CDH13: variants seen among roughly 807,000 people sequenced by gnomAD.
The protein encoded by CDH13 is cadherin 13.
Under a neutral mutation model 63.8 loss-of-function variants are expected in CDH13, and 24 were observed. The observed-to-expected ratio is 0.38, with a 90% confidence interval of 0.27 to 0.53. The LOEUF is 0.53. Ranked by LOEUF, CDH13 falls within the 20% of genes least tolerant of loss-of-function variation. The pLI is 0.85. For synonymous variants in CDH13, 503 were observed against 355.3 expected, an observed-to-expected ratio of 1.42 and a Z score of -4.67; for missense variants, 1,049 against 903.1, an observed-to-expected ratio of 1.16 and a Z score of -2.07.
chr16:83,137,944 G>T (rs955924446), intron 4 of CDH13, among the ~76,000 whole-genome samples: 26 of 151,856 alleles, frequency 1.7e-4, no homozygotes, highest in Non-Finnish European at 3.2e-4. Flanking sequence ...AGCTAGCTCT[G>T]GTTCCCAAAT....
intron 8 of CDH13, among the ~76,000 whole-genome samples, chr16:83,653,187 C>T (rs4782832): frequency 0.99 from 151,066 of 152,230 alleles, 74,971 homozygotes; most frequent in Non-Finnish European, 1. Flanking sequence ...GGGGGTGGGG[C>T]TTCTGTTCGA....
At chr16:83,502,003 C>T (rs1183398079) in intron 7 of CDH13, among the ~76,000 whole-genome samples, 1 of 152,132 alleles carries the variant, frequency 6.6e-6, no homozygotes, top group Non-Finnish European at 1.5e-5. Context: ...CATCTTATTA[C>T]TTGTGTGGCC....
At chr16:83,092,793 T>G (rs1597321213) in intron 3 of CDH13, among the ~76,000 whole-genome samples, 2 of 152,238 alleles carry the variant, frequency 1.3e-5, no homozygotes, top group South Asian at 4.1e-4. Flanking sequence ...TCACCAAATC[T>G]AGAATCTCCC....
chr16:83,556,721 T>C (rs964730670), intron 7 of CDH13, among the ~76,000 whole-genome samples: 1 of 152,148 alleles, frequency 6.6e-6, no homozygotes, highest in Non-Finnish European at 1.5e-5. Context: ...TTAGAATCAA[T>C]ATTGGCCTGG....
At chr16:82,803,260 C>T (rs1399584894) in intron 1 of CDH13, among the ~76,000 whole-genome samples, 1 of 152,162 alleles carries the variant, frequency 6.6e-6, no homozygotes, top group South Asian at 2.1e-4. Context: ...AGGTAAAAGA[C>T]ATAAGATGAT....
intron 10 of CDH13, among the ~76,000 whole-genome samples, chr16:83,681,795 G>A (rs927053726): frequency 2.6e-5 from 4 of 152,294 alleles, no homozygotes; most frequent in Middle Eastern, 3.4e-3. Context: ...CTGCAGAGAG[G>A]GGCCAGGATG....
intron 4 of CDH13, among the ~76,000 whole-genome samples, chr16:83,179,392 C>G (rs2038254396): frequency 6.6e-6 from 1 of 150,544 alleles, no homozygotes; most frequent in African/African-American, 2.5e-5. Flanking sequence ...GCCTGGAATC[C>G]CAGCACTTTG....
intron 11 of CDH13, among the ~76,000 whole-genome samples, chr16:83,779,405 TCAAAAAAAAAAAAAAAAAAAAA>T (rs1181349965): frequency 1.5e-5 from 1 of 67,786 alleles, no homozygotes; most frequent in African/African-American, 6.3e-5. Flanking sequence ...AGACTCCATC[TCAAAAAAAAAAAAAAAAAAAAA>T]AAAAAAAAAA....
chr16:82,660,140 G>C (rs958032347), intron 1 of CDH13, among the ~76,000 whole-genome samples: 1 of 152,180 alleles, frequency 6.6e-6, no homozygotes, highest in Non-Finnish European at 1.5e-5. Context: ...TTGGGTTTCA[G>C]AGGAAGCTGC....
At chr16:82,884,878 T>C (rs770950680) in intron 2 of CDH13, among the ~76,000 whole-genome samples, 29 of 152,212 alleles carry the variant, frequency 1.9e-4, no homozygotes, top group Non-Finnish European at 3.7e-4. Flanking sequence ...GTGGGGAAAA[T>C]CTAAAGTTGC....
intron 8 of CDH13, among the ~76,000 whole-genome samples, chr16:83,645,923 A>C (rs1911747723): frequency 6.6e-6 from 1 of 152,204 alleles, no homozygotes; most frequent in Non-Finnish European, 1.5e-5. Flanking sequence ...TTCTGCCATT[A>C]CTTAGAAAAC....
At chr16:82,682,469 G>T (rs890653726) in intron 1 of CDH13, among the ~76,000 whole-genome samples, 12 of 152,192 alleles carry the variant, frequency 7.9e-5, no homozygotes, top group East Asian at 3.9e-4. Context: ...GGTCCCTCAA[G>T]TTCTGCAGGG....
At chr16:83,109,379 G>A (rs1201893868) in intron 3 of CDH13, among the ~76,000 whole-genome samples, 9 of 152,204 alleles carry the variant, frequency 5.9e-5, no homozygotes, top group Non-Finnish European at 1.5e-5. Context: ...AAACCCCATG[G>A]CTTTGGAAGG....
intron 3 of CDH13, among the ~76,000 whole-genome samples, chr16:83,087,963 G>A (rs2033695417): frequency 2.0e-5 from 3 of 152,176 alleles, no homozygotes; most frequent in Admixed American, 1.3e-4. Flanking sequence ...TAGGCCTCAT[G>A]CTTGGGACTG....
intron 1 of CDH13, among the ~76,000 whole-genome samples, chr16:82,681,579 A>T (rs538751697): frequency 6.6e-6 from 1 of 152,382 alleles, no homozygotes; most frequent in South Asian, 2.1e-4. Context: ...TTTCTGAGCT[A>T]GTCACCAAAA....
chr16:83,289,102 A>T (rs185506015), intron 5 of CDH13, among the ~76,000 whole-genome samples: 6 of 152,338 alleles, frequency 3.9e-5, no homozygotes, highest in East Asian at 3.9e-4. Flanking sequence ...ATCATGGGCT[A>T]TTGCTTGCTC....
intron 4 of CDH13, among the ~76,000 whole-genome samples, chr16:83,157,938 CAGAA>C (rs1489152616): frequency 1.3e-5 from 2 of 151,516 alleles, no homozygotes; most frequent in Middle Eastern, 6.4e-3. Context: ...AAAAAGAAAA[CAGAA>C]AGAAATGTGT....
chr16:82,938,538 G>T (rs1306069262), intron 2 of CDH13, among the ~76,000 whole-genome samples: 1 of 152,178 alleles, frequency 6.6e-6, no homozygotes, highest in Non-Finnish European at 1.5e-5. Context: ...CCCAGCATCA[G>T]CAGGGGCCTT....
intron 1 of CDH13, among the ~76,000 whole-genome samples, chr16:82,686,639 AATGATTATTGTT>A: frequency 6.8e-6 from 1 of 147,040 alleles, no homozygotes; most frequent in East Asian, 1.9e-4. Flanking sequence ...TCCTTTCCTC[AATGATTATTGTT>A]ATGATTCCCG....
Sources: gnomAD v4.1 joint callset for allele counts (sites outside exome capture counted in the v4.1 genomes callset) on GRCh38, gnomAD v4.1.1 for gene constraint, MANE v1.5 for transcripts, NCBI Gene and HGNC (gene_info 2026-07-23, HGNC 2026-07-21) for gene names.